DIAPH3: variants seen among roughly 807,000 people sequenced by gnomAD.
DIAPH3 encodes protein diaphanous homolog 3.
DIAPH3 carries 117 observed loss-of-function variants against 144.3 expected under a neutral mutation model. The ratio of observed to expected loss-of-function variants is 0.81; its 90% CI spans 0.70 to 0.95. The LOEUF (loss-of-function observed/expected upper bound fraction) is 0.95, where lower values mean the gene tolerates loss of function less well. DIAPH3 is among the 40% of genes least tolerant of loss of function. The pLI, the probability that DIAPH3 is intolerant of heterozygous loss-of-function variation, is 0.00. For missense variants in DIAPH3, 1,421 were observed against 1,412.7 expected, an observed-to-expected ratio of 1.01 and a Z score of -0.09; for synonymous variants, 519 against 488.9, an observed-to-expected ratio of 1.06 and a Z score of -0.81.
chr13:59,726,460 G>A (rs891420972), intron 27 of DIAPH3, among the ~76,000 whole-genome samples: 1 of 152,156 alleles, frequency 6.6e-6, no homozygotes. Flanking sequence ...GCTCTTATCT[G>A]ACTTTCCTAT....
intron 27 of DIAPH3, among the ~76,000 whole-genome samples, chr13:59,672,165 G>A (rs1332682621): frequency 6.6e-6 from 1 of 152,208 alleles, no homozygotes; most frequent in Non-Finnish European, 1.5e-5. Context: ...AGGCCCTGGC[G>A]GACGGCCCTT....
chr13:60,039,657 C>A (rs774027924), intron 5 of DIAPH3, among the ~76,000 whole-genome samples: 1 of 152,074 alleles, frequency 6.6e-6, no homozygotes, highest in African/African-American at 2.4e-5. Context: ...ATTGGAAAAC[C>A]ATCAATCAGT....
chr13:60,026,349 C>T (rs1461472669), intron 5 of DIAPH3, among the ~76,000 whole-genome samples: 1 of 152,158 alleles, frequency 6.6e-6, no homozygotes, highest in Admixed American at 6.5e-5. Flanking sequence ...TTTTAAATTG[C>T]TGTAGAAGTA....
At chr13:60,110,908 C>T (rs2058549103) in intron 3 of DIAPH3, among the ~76,000 whole-genome samples, 1 of 152,144 alleles carries the variant, frequency 6.6e-6, no homozygotes, top group South Asian at 2.1e-4. Flanking sequence ...AGAAAACTAA[C>T]ATAAACTATA....
At chr13:60,047,721 A>G (rs1421841681) in intron 4 of DIAPH3, among the ~76,000 whole-genome samples, 19 of 152,212 alleles carry the variant, frequency 1.2e-4, no homozygotes, top group Admixed American at 1.2e-3. Context: ...GAAGGCAAAG[A>G]TTTCTTAAAT....
chr13:60,128,362 AATGACC>A (rs1471820960), intron 2 of DIAPH3, among the ~76,000 whole-genome samples: 1 of 152,220 alleles, frequency 6.6e-6, no homozygotes, highest in Non-Finnish European at 1.5e-5. Flanking sequence ...ATAGTGCTGC[AATGACC>A]ATACGTGTAC....
chr13:59,924,017 G>A (rs1226283791), intron 18 of DIAPH3, among the ~76,000 whole-genome samples: 1 of 152,044 alleles, frequency 6.6e-6, no homozygotes, highest in African/African-American at 2.4e-5. Flanking sequence ...ATAATTGAGG[G>A]AGACTAAAAA....
intron 27 of DIAPH3, among the ~76,000 whole-genome samples, chr13:59,749,860 A>T (rs2036911261): frequency 6.6e-6 from 1 of 152,188 alleles, no homozygotes; most frequent in African/African-American, 2.4e-5. Context: ...CAAGTGATGT[A>T]TTAGGATCAC....
At chr13:59,817,223 G>T (rs1416881314) in intron 24 of DIAPH3, among the ~76,000 whole-genome samples, 1 of 151,684 alleles carries the variant, frequency 6.6e-6, no homozygotes, top group Non-Finnish European at 1.5e-5. Flanking sequence ...ATCAAATCAA[G>T]TCTGTTAATT....
At chr13:59,795,660 T>A (rs11840378) in intron 25 of DIAPH3, among the ~76,000 whole-genome samples, 11,529 of 151,840 alleles carry the variant, frequency 0.076, 570 homozygotes, top group South Asian at 0.18. Context: ...TCACTGTGCG[T>A]GCTAAGATGG....
chr13:60,135,254 T>C (rs2059241228), intron 1 of DIAPH3, among the ~76,000 whole-genome samples: 1 of 151,500 alleles, frequency 6.6e-6, no homozygotes, highest in South Asian at 2.1e-4. Context: ...GTTTTCTTTT[T>C]TTTTTTTTTT....
At chr13:59,841,222 T>C (rs2042324201) in intron 22 of DIAPH3, among the ~76,000 whole-genome samples, 1 of 152,126 alleles carries the variant, frequency 6.6e-6, no homozygotes, top group African/African-American at 2.4e-5. Flanking sequence ...TCCTCTATCA[T>C]TTTTCAAGAA....
At chr13:59,914,836 A>C (rs547524817) in intron 19 of DIAPH3, among the ~76,000 whole-genome samples, 6 of 152,314 alleles carry the variant, frequency 3.9e-5, no homozygotes, top group African/African-American at 1.4e-4. Context: ...AGTAAGACCA[A>C]TATCAGACTT....
In DIAPH3 at chr13:59,994,212, G is replaced by T. The variant is rs2052039311; in HGVS notation, c.1015-1629C>A. Among the ~76,000 whole-genome samples, 4 of 151,866 alleles carry T rather than the reference G, an allele frequency of 2.6e-5. No homozygotes were observed. The South Asian group carries it at 6.2e-4, about 24-fold the overall frequency. ...TGCTTCCCAATTCTAATCATAATTT[G>T]CCATTAGCATGGCTTACAATCTATT... On this transcript the variant is annotated intron_variant, in intron 9 of 27. Transcript: ENST00000400324.
chr13:59,861,916 G>C (rs1396982326), intron 21 of DIAPH3, among the ~76,000 whole-genome samples: 1 of 152,152 alleles, frequency 6.6e-6, no homozygotes, highest in African/African-American at 2.4e-5. Context: ...GTAGTAGTTG[G>C]AGACCTAACA....
intron 17 of DIAPH3, among the ~76,000 whole-genome samples, chr13:59,945,638 C>T (rs954565282): frequency 6.7e-6 from 1 of 149,000 alleles, no homozygotes; most frequent in African/African-American, 2.5e-5. Context: ...AAAAAAGCCA[C>T]ACTAGCACTA....
At chr13:59,909,986 G>A (rs1347098290) in intron 20 of DIAPH3, among the ~76,000 whole-genome samples, 1 of 152,138 alleles carries the variant, frequency 6.6e-6, no homozygotes, top group African/African-American at 2.4e-5. Flanking sequence ...GCAAATTTGA[G>A]CAGTCTTCTT....
intron 27 of DIAPH3, among the ~76,000 whole-genome samples, chr13:59,749,730 G>GA (rs1593745906): frequency 6.6e-6 from 1 of 151,452 alleles, no homozygotes; most frequent in Non-Finnish European, 1.5e-5. Context: ...TTTCTTAAAA[G>GA]AAAAAACAAC....
At chr13:59,970,725 GAAATTATGTATATATAAATT>G in intron 16 of DIAPH3, 107 bp downstream of exon 16, 2 of 843,068 alleles carry the variant, frequency 2.4e-6, no homozygotes, top group South Asian at 2.5e-5. Context: ...AGTGACATTA[GAAATTATGTATATATAAATT>G]AAATTATGTA....
Sources: allele counts gnomAD v4.1 joint callset (sites outside exome capture counted in the v4.1 genomes callset), GRCh38; gene constraint gnomAD v4.1.1; transcripts MANE v1.5; gene names NCBI Gene and HGNC (gene_info 2026-07-23, HGNC 2026-07-21).